ASAP1: variants seen among roughly 807,000 people sequenced by gnomAD.
ASAP1 encodes the protein arf-GAP with SH3 domain, ANK repeat and PH domain-containing protein 1.
ASAP1 carries 43 observed loss-of-function variants against 145.2 expected under a neutral mutation model. The observed-to-expected ratio is 0.30, with a 90% CI of 0.23 to 0.38. The LOEUF (loss-of-function observed/expected upper bound fraction) is 0.38, where lower values mean the gene tolerates loss of function less well. Ranked by LOEUF, ASAP1 falls within the 10% of genes least tolerant of loss-of-function variation. ASAP1 has a pLI of 1.00. For synonymous variants in ASAP1, 546 were observed against 515.5 expected, an observed-to-expected ratio of 1.06 and a Z score of -0.80; for missense variants, 1,018 against 1,355.3, an observed-to-expected ratio of 0.75 and a Z score of 3.91.
chr8:130,334,534 T>G (rs888056784), intron 3 of ASAP1, among the ~76,000 whole-genome samples: 1 of 152,194 alleles, frequency 6.6e-6, no homozygotes, highest in African/African-American at 2.4e-5. Flanking sequence ...AATACAGTTA[T>G]CTTCATATTA....
At chr8:130,370,465 G>A (rs1330024683) in intron 2 of ASAP1, among the ~76,000 whole-genome samples, 1 of 152,196 alleles carries the variant, frequency 6.6e-6, no homozygotes, top group Non-Finnish European at 1.5e-5. Flanking sequence ...TTTCAGAACT[G>A]AGAGAAATAC....
chr8:130,233,098 G>T (rs1178100997), intron 4 of ASAP1, among the ~76,000 whole-genome samples: 2 of 152,094 alleles, frequency 1.3e-5, no homozygotes, highest in African/African-American at 4.8e-5. Flanking sequence ...ACCCTATCAG[G>T]CCTCAATAGT....
Position 130,257,794 on chromosome 8 carries a change from C to G in ASAP1, c.187-20800G>C, listed in dbSNP as rs200707448. On this transcript the variant is annotated intron_variant, in intron 3 of 29. Coordinates refer to ENST00000518721, the MANE Select transcript of ASAP1 (RefSeq NM_018482.4). Reference sequence around the variant, plus strand: ...GATTTGGACTCAAGAGCACCCCCCCCCCATTATTTTTTAGAAGTGCCTACT... The same window carrying G: ...GATTTGGACTCAAGAGCACCCCCCCGCCATTATTTTTTAGAAGTGCCTACT... Among the ~76,000 whole-genome samples, 285 of 144,860 alleles carry G rather than the reference C, an allele frequency of 2.0e-3. 10 individuals carry two copies. The East Asian group carries it at 0.045, about 23-fold the overall frequency.
chr8:130,270,645 G>C (rs985440941), intron 3 of ASAP1, among the ~76,000 whole-genome samples: 10 of 152,122 alleles, frequency 6.6e-5, no homozygotes, highest in African/African-American at 2.4e-4. Flanking sequence ...ATGTTTCTTT[G>C]CAAGAAGGCA....
chr8:130,377,324 C>G (rs1281532092), intron 2 of ASAP1, among the ~76,000 whole-genome samples: 1 of 152,036 alleles, frequency 6.6e-6, no homozygotes, highest in East Asian at 1.9e-4. Context: ...CAAATCACCA[C>G]TAAATACCTT....
chr8:130,054,664 C>G lies in ASAP1; in HGVS notation c.*67G>C. Reference sequence around the variant, plus strand: ...TAACAGCAGCTATATACACACTGTGCCCAGGGTTACATGAAGGCAGCAGTC... The same window carrying G: ...TAACAGCAGCTATATACACACTGTGGCCAGGGTTACATGAAGGCAGCAGTC... On this transcript the variant is annotated 3_prime_UTR_variant, in exon 30 of 30. Transcript: ENST00000518721. 1 of 1,401,534 alleles carries G rather than the reference C, an allele frequency of 7.1e-7. No homozygotes were observed. Among genetic ancestry groups the G allele is most frequent in the South Asian group, 1.2e-5 (1 of 86,432 alleles). 86.8% of individuals were successfully genotyped at this position (1,401,534 alleles called of 1,614,324 possible). A position where few individuals can be genotyped will look rare whatever the true frequency, so the allele number is the denominator to read the frequency against.
Position 130,279,382 on chromosome 8 carries a change from C to T in ASAP1, c.187-42388G>A, listed in dbSNP as rs532256641. On this transcript the variant is annotated intron_variant, in intron 3 of 29. Coordinates refer to ENST00000518721, the MANE Select transcript of ASAP1 (RefSeq NM_018482.4). ...CCACATGGAGTCTTGAATATGGCAA[C>T]GAGGGAATGTGAGGACTGGCTCACA... 1.6e-3 allele frequency among the ~76,000 whole-genome samples: 240 copies of T among 152,222 alleles called. 1 individual carries two copies. The highest frequency in any genetic ancestry group is 5.6e-3 in the African/African-American group (231 of 41,518).
chr8:130,058,745 T>A (rs1011989660), intron 28 of ASAP1, among the ~76,000 whole-genome samples: 4 of 152,186 alleles, frequency 2.6e-5, no homozygotes, highest in African/African-American at 9.7e-5. Flanking sequence ...CCTGGCTAAT[T>A]GGCAATTTTA....
intron 11 of ASAP1, among the ~76,000 whole-genome samples, chr8:130,162,032 A>C (rs1411817494): frequency 1.3e-5 from 2 of 152,108 alleles, no homozygotes; most frequent in African/African-American, 4.8e-5. Flanking sequence ...ACTCCTGGAC[A>C]CAAGCAATTC....
At chr8:130,065,033 C>A (rs947831177) in intron 27 of ASAP1, among the ~76,000 whole-genome samples, 4 of 151,896 alleles carry the variant, frequency 2.6e-5, no homozygotes, top group Admixed American at 2.6e-4. Flanking sequence ...TGTCACCATG[C>A]CCAGCTATTT....
chr8:130,273,275 G>A (rs1445622154), intron 3 of ASAP1, among the ~76,000 whole-genome samples: 1 of 152,062 alleles, frequency 6.6e-6, no homozygotes, highest in Non-Finnish European at 1.5e-5. Context: ...TATGAAGAAA[G>A]CCCATATGCT....
intron 24 of ASAP1, among the ~76,000 whole-genome samples, chr8:130,099,670 G>A (rs1367185576): frequency 6.9e-6 from 1 of 145,414 alleles, no homozygotes; most frequent in Non-Finnish European, 1.5e-5. Flanking sequence ...GCACATGAAA[G>A]GATTTCATTC....
Position 130,214,710 on chromosome 8 carries a change from A to C in ASAP1, c.260-9T>G, listed in dbSNP as rs1586608804. On this transcript the variant is annotated splice_polypyrimidine_tract_variant and intron_variant, in intron 4 of 29. Coordinates refer to ENST00000518721, the MANE Select transcript of ASAP1 (RefSeq NM_018482.4). The stretch of plus-strand genomic sequence containing the variant: ...TTCATTTTGTACATGATCTAAAAAC[A>C]AAAAAGAAGAAGAAAGGAGTCTGAA... 1.3e-6 allele frequency: 2 copies of C among 1,572,328 alleles called. No individual in the cohort carries two copies. The highest frequency in any genetic ancestry group is 1.7e-6 in the Non-Finnish European group (2 of 1,162,588).
intron 3 of ASAP1, among the ~76,000 whole-genome samples, chr8:130,304,969 T>C (rs994611453): frequency 2.6e-5 from 4 of 152,228 alleles, no homozygotes; most frequent in African/African-American, 9.6e-5. Flanking sequence ...TCCTGCCACC[T>C]TTCCAACCTC....
intron 3 of ASAP1, among the ~76,000 whole-genome samples, chr8:130,331,630 T>G (rs955348149): frequency 6.6e-6 from 1 of 152,146 alleles, no homozygotes; most frequent in Non-Finnish European, 1.5e-5. Context: ...CAGGTTATCA[T>G]GAGAAAAGTA....
intron 6 of ASAP1, among the ~76,000 whole-genome samples, chr8:130,187,706 C>T (rs1049142352): frequency 4.6e-5 from 7 of 152,154 alleles, no homozygotes; most frequent in Admixed American, 1.3e-4. Context: ...ATAGGCATGA[C>T]CACTGTGCCT....
At chr8:130,098,613 G>A (rs934150571) in intron 24 of ASAP1, among the ~76,000 whole-genome samples, 6 of 152,176 alleles carry the variant, frequency 3.9e-5, no homozygotes, top group African/African-American at 9.7e-5. Flanking sequence ...CTCCCAAAGT[G>A]CCGAGATTAC....
chr8:130,062,199 A>G (rs2097421019), intron 27 of ASAP1, among the ~76,000 whole-genome samples: 1 of 152,384 alleles, frequency 6.6e-6, no homozygotes, highest in South Asian at 2.1e-4. Flanking sequence ...CCAAGGACAT[A>G]GCCTGCACTC....
At chr8:130,309,452 C>T (rs1397926316) in intron 3 of ASAP1, among the ~76,000 whole-genome samples, 1 of 152,120 alleles carries the variant, frequency 6.6e-6, no homozygotes, top group African/African-American at 2.4e-5. Context: ...ATGAGATGAA[C>T]AAGTAGATAG....
Sources: gnomAD v4.1 joint callset for allele counts (sites outside exome capture counted in the v4.1 genomes callset) on GRCh38, gnomAD v4.1.1 for gene constraint, MANE v1.5 for transcripts, NCBI Gene and HGNC (gene_info 2026-07-23, HGNC 2026-07-21) for gene names.